NPAS3: variants seen among roughly 807,000 people sequenced by gnomAD.
NPAS3 encodes the protein neuronal PAS domain protein 3, also known as neuronal PAS domain-containing protein 3.
A neutral mutation model predicts 73.1 loss-of-function variants in NPAS3; 14 were observed. That is an observed-to-expected ratio of 0.19 (90% CI 0.13 to 0.30). The LOEUF (loss-of-function observed/expected upper bound fraction) is 0.30, where lower values mean the gene tolerates loss of function less well. NPAS3 is among the 10% of genes least tolerant of loss of function. The pLI is 1.00. For missense variants in NPAS3, 1,096 were observed against 1,250.0 expected (o/e 0.88, Z 1.86); for synonymous variants, 620 against 541.5 (o/e 1.14, Z -2.01).
At chr14:33,650,306 A>C (rs1400041602) in intron 5 of NPAS3, among the ~76,000 whole-genome samples, 1 of 152,244 alleles carries the variant, frequency 6.6e-6, no homozygotes, top group Non-Finnish European at 1.5e-5. Context: ...CTGCACAGAC[A>C]GACAGGATGT....
At chr14:33,568,997 A>G (rs1267066209) in intron 5 of NPAS3, among the ~76,000 whole-genome samples, 2 of 152,200 alleles carry the variant, frequency 1.3e-5, no homozygotes, top group Non-Finnish European at 2.9e-5. Context: ...TTTTGTGTGA[A>G]TATGTGTTTA....
intron 4 of NPAS3, among the ~76,000 whole-genome samples, chr14:33,546,028 T>G (rs146205664): frequency 6.6e-6 from 1 of 152,204 alleles, no homozygotes; most frequent in East Asian, 1.9e-4. Flanking sequence ...AATCCTCTTC[T>G]TCTGGGGGCT....
intron 1 of NPAS3, among the ~76,000 whole-genome samples, chr14:32,970,067 A>G (rs1029540003): frequency 7.2e-5 from 11 of 152,186 alleles, no homozygotes; most frequent in Non-Finnish European, 1.3e-4. Context: ...TCTAAAACAC[A>G]TTGAGATATC....
chr14:33,416,734 C>T (rs573103250), intron 4 of NPAS3, among the ~76,000 whole-genome samples: 1 of 152,030 alleles, frequency 6.6e-6, no homozygotes, highest in African/African-American at 2.4e-5. Flanking sequence ...TTAAGTTTCT[C>T]ATTTTATAGG....
chr14:33,621,179 A>C (rs1595295457), intron 5 of NPAS3, among the ~76,000 whole-genome samples: 1 of 152,328 alleles, frequency 6.6e-6, no homozygotes, highest in East Asian at 1.9e-4. Context: ...TCTTAAAAAG[A>C]TAAAAAGAAG....
At chr14:33,308,553 C>CACACACACACACACACACACAT (rs1195213186) in intron 3 of NPAS3, among the ~76,000 whole-genome samples, 135 of 113,708 alleles carry the variant, frequency 1.2e-3, no homozygotes, top group East Asian at 6.5e-3. Flanking sequence ...CACACACACA[C>CACACACACACACACACACACAT]ACATACATAC....
At chr14:33,767,299 T>C (rs2062494589) in intron 7 of NPAS3, among the ~76,000 whole-genome samples, 1 of 152,192 alleles carries the variant, frequency 6.6e-6, no homozygotes, top group South Asian at 2.1e-4. Context: ...CTCATGCTGG[T>C]TCAGATTAAG....
At chr14:33,188,465 T>A (rs576477752) in intron 2 of NPAS3, among the ~76,000 whole-genome samples, 1 of 152,356 alleles carries the variant, frequency 6.6e-6, no homozygotes, top group East Asian at 1.9e-4. Context: ...CTTGAGTGAT[T>A]GCTTTGTGCC....
At chr14:33,019,702 A>G (rs2039524045) in intron 1 of NPAS3, among the ~76,000 whole-genome samples, 1 of 152,190 alleles carries the variant, frequency 6.6e-6, no homozygotes, top group African/African-American at 2.4e-5. Context: ...GCATTCTGAG[A>G]TTGAAATCAA....
chr14:33,633,306 C>A (rs1174877565), intron 5 of NPAS3, among the ~76,000 whole-genome samples: 1 of 152,076 alleles, frequency 6.6e-6, no homozygotes, highest in Admixed American at 6.5e-5. Flanking sequence ...TGAAAAAAAA[C>A]TAATACCACC....
chr14:33,419,516 A>G (rs2048290518), intron 4 of NPAS3, among the ~76,000 whole-genome samples: 1 of 151,908 alleles, frequency 6.6e-6, no homozygotes, highest in South Asian at 2.1e-4. Flanking sequence ...TGAGAAAAGT[A>G]AATGCTTATT....
At chr14:33,051,249 C>T (rs2040695263) in intron 1 of NPAS3, among the ~76,000 whole-genome samples, 1 of 140,906 alleles carries the variant, frequency 7.1e-6, no homozygotes, top group Admixed American at 7.4e-5. Context: ...AGTCCGCAGT[C>T]CGGCCTGGGC....
At chr14:33,645,458 AT>A (rs1260609408) in intron 5 of NPAS3, among the ~76,000 whole-genome samples, 1 of 152,254 alleles carries the variant, frequency 6.6e-6, no homozygotes, top group East Asian at 1.9e-4. Context: ...ATTTTAGAGC[AT>A]AATAAGAATG....
intron 4 of NPAS3, among the ~76,000 whole-genome samples, chr14:33,501,192 C>T (rs1172528115): frequency 1.3e-5 from 2 of 151,826 alleles, no homozygotes; most frequent in South Asian, 2.1e-4. Context: ...TTCTATTAGG[C>T]ACTATTTTAA....
chr14:33,104,025 C>T (rs993564330), intron 2 of NPAS3, among the ~76,000 whole-genome samples: 5 of 152,062 alleles, frequency 3.3e-5, no homozygotes, highest in South Asian at 2.1e-4. Flanking sequence ...AAGCTTATGG[C>T]GTCTGGCTTC....
At chr14:33,506,079 T>C (rs2052747036) in intron 4 of NPAS3, among the ~76,000 whole-genome samples, 1 of 152,000 alleles carries the variant, frequency 6.6e-6, no homozygotes, top group Admixed American at 6.6e-5. Context: ...TATGCCACCC[T>C]GCCACTCCCT....
Position 33,562,565 on chromosome 14 carries a change from ATTTATGTATTTAAAAGTGATTTTTGCGT to A in NPAS3, c.558+2356_558+2383del, listed in dbSNP as rs1696767036. Among the ~76,000 whole-genome samples, 4 of 152,226 alleles carry A rather than the reference ATTTATGTATTTAAAAGTGATTTTTGCGT, an allele frequency of 2.6e-5. No homozygotes were observed. In the South Asian group the frequency reaches 8.3e-4, roughly 32 times the overall value. ...TAGAAAGTGATTTTTGCATATACCA[ATTTATGTATTTAAAAGTGATTTTTGCGT>A]ATACCAGTTTATGTATTTAGAGTTC... On this transcript the variant is annotated intron_variant, in intron 5 of 11. Coordinates refer to ENST00000356141, the Ensembl canonical transcript of NPAS3.
At chr14:33,284,770 ATCTATCTATCTATC>A (rs1183586453) in intron 3 of NPAS3, among the ~76,000 whole-genome samples, 1 of 16,264 alleles carries the variant, frequency 6.1e-5, no homozygotes, top group East Asian at 3.9e-3. Flanking sequence ...ATCTATATCT[ATCTATCTATCTATC>A]TATCTATCTA....
intron 5 of NPAS3, among the ~76,000 whole-genome samples, chr14:33,669,196 C>CTGTT (rs1454756019): frequency 6.6e-6 from 1 of 152,192 alleles, no homozygotes; most frequent in Non-Finnish European, 1.5e-5. Context: ...ACTTTTAAGA[C>CTGTT]TGTTAATGTT....
Sources: allele counts gnomAD v4.1 joint callset (sites outside exome capture counted in the v4.1 genomes callset), GRCh38; gene constraint gnomAD v4.1.1; transcripts MANE v1.5; gene names NCBI Gene and HGNC (gene_info 2026-07-23, HGNC 2026-07-21).